MACF1: variants seen among roughly 807,000 people sequenced by gnomAD.
MACF1 encodes microtubule actin crosslinking factor 1.
A neutral mutation model predicts 854.8 loss-of-function variants in MACF1; 193 were observed. That is an observed-to-expected ratio of 0.23 (90% CI 0.20 to 0.25). The LOEUF (loss-of-function observed/expected upper bound fraction) is 0.25. MACF1 is among the 10% of genes least tolerant of loss of function. The pLI is 1.00. For missense variants in MACF1, 7,722 were observed against 8,929.1 expected (o/e 0.86, Z 5.45); for synonymous variants, 3,185 against 3,226.7 (o/e 0.99, Z 0.44).
chr1:39,176,962 A>G (rs1365629403), intron 2 of MACF1, among the ~76,000 whole-genome samples: 1 of 152,100 alleles, frequency 6.6e-6, no homozygotes, highest in East Asian at 1.9e-4. Flanking sequence ...TCCTTCCTTT[A>G]ACAAAAATGC....
In MACF1 at chr1:39,422,477, A is replaced by G. The variant is rs368467363; in HGVS notation, c.15920A>G (p.Gln5307Arg). 3.7e-6 allele frequency: 6 copies of G among 1,614,036 alleles called. No homozygotes were observed. In the Admixed American group the frequency reaches 5.0e-5, roughly 13 times the overall value. Residue 5307 changes from glutamine to arginine, a missense_variant, in exon 59 of 101, where the codon CAG becomes CGG. Around this residue, in one of 15 missense-constraint regions of MACF1, gnomAD observed 2,807 missense variants for 3,235.8 expected, o/e 0.87. Coordinates refer to ENST00000564288, the MANE Select transcript of MACF1 (RefSeq NM_001394062.1). Reference protein sequence around the residue: ...IQSAGKDCDVQGLEHDMEEIN... With the variant: ...IQSAGKDCDVRGLEHDMEEIN... ...AGTGCAGGAAAAGACTGTGATGTAC[A>G]GGGTTTAGAACATGACATGGAAGAG... is the stretch of plus-strand genomic sequence containing the variant.
Position 39,310,264 on chromosome 1 carries a change from G to C in MACF1, c.2936G>C (p.Gly979Ala). 6.2e-7 allele frequency: 1 copy of C among 1,613,528 alleles called. No homozygotes were observed. Among genetic ancestry groups the C allele is most frequent in the Non-Finnish European group, 8.5e-7 (1 of 1,179,790 alleles). ...NLEKLRSSAPGECHQIMKNLQ... is the reference protein window; with the variant it reads ...NLEKLRSSAPAECHQIMKNLQ... ...TTCTAGCTTCGATCCTCAGCACCAGGGGAGTGCCATCAGATTATGAAGAAC... is the reference window on the plus strand; with the variant it reads ...TTCTAGCTTCGATCCTCAGCACCAGCGGAGTGCCATCAGATTATGAAGAAC... Residue 979 changes from glycine (G) to alanine (A), a missense_variant, in exon 25 of 101, where the codon GGG (glycine) becomes GCG (alanine). This residue lies in a region of MACF1 where 1,137 missense variants were observed against 1,263.0 expected (regional missense o/e 0.90). Coordinates refer to ENST00000564288, the MANE Select transcript of MACF1 (RefSeq NM_001394062.1).
intron 58 of MACF1, among the ~76,000 whole-genome samples, chr1:39,402,079 G>T (rs1437977955): frequency 2.6e-5 from 4 of 152,192 alleles, no homozygotes; most frequent in African/African-American, 4.8e-5. Flanking sequence ...AGGCTTGGTG[G>T]TGGGTGCCTA....
At chr1:39,133,572 A>AT (rs1167100173) in intron 2 of MACF1, among the ~76,000 whole-genome samples, 2 of 150,080 alleles carry the variant, frequency 1.3e-5, no homozygotes, top group Non-Finnish European at 3.0e-5. Flanking sequence ...GTCTGTTTTT[A>AT]TTTTTCCCAA....
At position 39,334,840 on chromosome 1, in the gene MACF1, T is replaced by C. The variant is rs775399763; in HGVS notation, c.8252T>C (p.Ile2751Thr). 6.2e-7 allele frequency: 1 copy of C among 1,614,176 alleles called. No individual in the cohort carries two copies. The highest frequency in any genetic ancestry group is 1.1e-5 in the South Asian group (1 of 91,080). ...TLVEAIEKRL[I>T]SPELANMIQI... ...GTAGAAGCTATTGAGAAAAGACTGATCAGCCCTGAACTGGCAAATATGATC... is the reference window on the plus strand; with the variant it reads ...GTAGAAGCTATTGAGAAAAGACTGACCAGCCCTGAACTGGCAAATATGATC... The change falls in exon 37 of 101, where the codon ATC becomes ACC. Residue 2751 changes from isoleucine to threonine, a missense_variant. Around this residue, in one of 15 missense-constraint regions of MACF1, gnomAD observed 1,531 missense variants for 1,601.6 expected, o/e 0.96. Coordinates refer to ENST00000564288, the MANE Select transcript of MACF1 (RefSeq NM_001394062.1).
rs1647850000 is a variant in MACF1, at chr1:39,359,197, A to G, written c.12177A>G (p.Val4059=). 3 of 1,614,180 alleles carry G rather than the reference A, an allele frequency of 1.9e-6. No individual in the cohort carries two copies. Among genetic ancestry groups the G allele is most frequent in the Non-Finnish European group, 2.5e-6 (3 of 1,180,026 alleles). The change falls in exon 47 of 101, where the codon GTA becomes GTG. Residue 4059 remains valine, a synonymous_variant. Transcript: ENST00000564288. The part of the protein sequence containing the change: ...HQVPVEKLQK[V]ARDIMEIEGE... ...TACCTGTGGAAAAACTCCAAAAAGTAGCTCGTGACATAATGGAAATTGAAG... is the reference window on the plus strand; with the variant it reads ...TACCTGTGGAAAAACTCCAAAAAGTGGCTCGTGACATAATGGAAATTGAAG...
intron 51 of MACF1, among the ~76,000 whole-genome samples, chr1:39,370,744 G>A (rs1439536194): frequency 6.6e-6 from 1 of 152,170 alleles, no homozygotes; most frequent in Non-Finnish European, 1.5e-5. Flanking sequence ...CAGAGTGAGT[G>A]CCAGGAGCAT....
At chr1:39,484,791 G>A (rs1227323700) in intron 100 of MACF1, 61 bp downstream of exon 100, 2 of 1,603,942 alleles carry the variant, frequency 1.2e-6, no homozygotes, top group East Asian at 2.2e-5. Context: ...CAGCCTATGT[G>A]GAATGTTTCA....
chr1:39,393,198 T>A (rs10605126), intron 58 of MACF1, among the ~76,000 whole-genome samples: 5,871 of 94,474 alleles, frequency 0.062, 173 homozygotes, highest in African/African-American at 0.1. Context: ...AAAAAAAAAA[T>A]ATATATATAT....
At chr1:39,194,279 G>C (rs1038912507) in intron 2 of MACF1, among the ~76,000 whole-genome samples, 9 of 151,476 alleles carry the variant, frequency 5.9e-5, no homozygotes, top group Non-Finnish European at 1.0e-4. Context: ...GTTAGATCCT[G>C]GGCAGAATCC....
chr1:39,477,131 T>TACACACACACACACACAC (rs562347733), intron 97 of MACF1, among the ~76,000 whole-genome samples: 1 of 91,340 alleles, frequency 1.1e-5, no homozygotes, highest in Non-Finnish European at 2.0e-5. Flanking sequence ...TATATATATA[T>TACACACACACACACACAC]ATATACACAC....
intron 58 of MACF1, among the ~76,000 whole-genome samples, chr1:39,394,827 A>G (rs1319839336): frequency 6.6e-6 from 1 of 152,168 alleles, no homozygotes; most frequent in Non-Finnish European, 1.5e-5. Context: ...GAGAGACAGG[A>G]AATCACACTT....
At chr1:39,154,721 A>ATT (rs113114354) in intron 2 of MACF1, among the ~76,000 whole-genome samples, 44 of 147,008 alleles carry the variant, frequency 3.0e-4, no homozygotes, top group Middle Eastern at 3.5e-3. Context: ...AGGGTAAGGG[A>ATT]TTTTTTTTTT....
chr1:39,153,333 G>T (rs1301492907), intron 2 of MACF1, among the ~76,000 whole-genome samples: 1 of 152,074 alleles, frequency 6.6e-6, no homozygotes, highest in East Asian at 1.9e-4. Context: ...AGGTCCTATA[G>T]GTACAGATTT....
chr1:39,316,144 C>T (rs1479253389), intron 27 of MACF1, among the ~76,000 whole-genome samples: 1 of 152,200 alleles, frequency 6.6e-6, no homozygotes, highest in Non-Finnish European at 1.5e-5. Context: ...GGCTTCATGC[C>T]TTTCTTCCAT....
intron 36 of MACF1, chr1:39,328,312 T>C (rs543539746): frequency 3.5e-4 from 53 of 152,202 alleles, no homozygotes; most frequent in African/African-American, 1.1e-3. Flanking sequence ...TAAGGGAGTA[T>C]GTGAAAAGTT....
intron 2 of MACF1, among the ~76,000 whole-genome samples, chr1:39,132,576 G>A (rs1336689944): frequency 6.6e-6 from 1 of 152,170 alleles, no homozygotes; most frequent in Non-Finnish European, 1.5e-5. Context: ...ATTGAAAACG[G>A]AGTAGTCATT....
intron 51 of MACF1, among the ~76,000 whole-genome samples, chr1:39,371,729 AT>A (rs1309908645): frequency 6.6e-6 from 1 of 150,748 alleles, no homozygotes; most frequent in African/African-American, 2.4e-5. Flanking sequence ...CTAGCTCCTT[AT>A]TTATCCTCTA....
At chr1:39,390,845 C>T (rs923189395) in intron 58 of MACF1, among the ~76,000 whole-genome samples, 8 of 152,068 alleles carry the variant, frequency 5.3e-5, no homozygotes, top group African/African-American at 1.2e-4. Flanking sequence ...CGGTGGCTCA[C>T]GCCTGTAATC....
Sources: gnomAD v4.1 joint callset for allele counts (sites outside exome capture counted in the v4.1 genomes callset) on GRCh38, gnomAD v4.1.1 for gene constraint, gnomAD v4.1.1 regional missense constraint, MANE v1.5 for transcripts, NCBI Gene and HGNC (gene_info 2026-07-23, HGNC 2026-07-21) for gene names.